Variants in DOCK10 observed in about 807,000 individuals in gnomAD.
DOCK10 encodes dedicator of cytokinesis 10, also known as dedicator of cytokinesis protein 10.
In DOCK10, 145 loss-of-function variants were observed where a neutral mutation model predicts 280.1. The observed-to-expected ratio is 0.52, with a 90% confidence interval of 0.45 to 0.59. The LOEUF is 0.59. DOCK10 is among the 20% of genes least tolerant of loss of function. DOCK10 has a pLI of 0.00. For missense variants in DOCK10, 2,368 were observed against 2,651.7 expected (o/e 0.89, Z 2.35); for synonymous variants, 915 against 942.2 (o/e 0.97, Z 0.53).
chr2:224,782,457 G>T (rs1691418753), intron 50 of DOCK10, among the ~76,000 whole-genome samples: 1 of 152,132 alleles, frequency 6.6e-6, no homozygotes, highest in Non-Finnish European at 1.5e-5. Flanking sequence ...GATTATAGTC[G>T]ATGTTTGCTC....
At chr2:224,977,609 C>G (rs541696535) in intron 1 of DOCK10, among the ~76,000 whole-genome samples, 4 of 152,094 alleles carry the variant, frequency 2.6e-5, no homozygotes, top group Non-Finnish European at 5.9e-5. Flanking sequence ...GTTAATTCTC[C>G]CACCAAAAAG....
intron 41 of DOCK10, 120 bp downstream of exon 41, chr2:224,800,031 G>A (rs528386338): frequency 1.3e-5 from 7 of 557,650 alleles, no homozygotes; most frequent in African/African-American, 1.1e-4. Context: ...CACTTAGGTT[G>A]ATTTATATAA....
At chr2:224,933,950 C>A (rs1429024485) in intron 1 of DOCK10, among the ~76,000 whole-genome samples, 2 of 152,140 alleles carry the variant, frequency 1.3e-5, no homozygotes, top group African/African-American at 4.8e-5. Context: ...CAAAGAAGAT[C>A]TTTTTCTGGT....
chr2:224,911,586 C>A (rs1405091524), intron 3 of DOCK10, among the ~76,000 whole-genome samples: 1 of 152,154 alleles, frequency 6.6e-6, no homozygotes, highest in Admixed American at 6.5e-5. Context: ...TGGCCCCTAT[C>A]TTGAAAGCAT....
chr2:224,794,858 G>T, intron 45 of DOCK10, 21 bp downstream of exon 45: 1 of 1,610,972 alleles, frequency 6.2e-7, no homozygotes, highest in South Asian at 1.1e-5. Context: ...GATGGTAAAT[G>T]ACCAAGCCTT....
At chr2:224,897,098 C>G (rs1700031151) in intron 3 of DOCK10, among the ~76,000 whole-genome samples, 2 of 152,124 alleles carry the variant, frequency 1.3e-5, no homozygotes, top group Non-Finnish European at 2.9e-5. Flanking sequence ...AGCCTTTTGT[C>G]ATGATTTTAG....
At chr2:224,892,219 A>G (rs1216905788) in intron 4 of DOCK10, among the ~76,000 whole-genome samples, 6 of 151,792 alleles carry the variant, frequency 4.0e-5, no homozygotes, top group Non-Finnish European at 4.4e-5. Flanking sequence ...CAACATAGTG[A>G]AACCCTGTCT....
intron 1 of DOCK10, among the ~76,000 whole-genome samples, chr2:224,969,671 A>C (rs1704975004): frequency 6.6e-6 from 1 of 152,190 alleles, no homozygotes; most frequent in African/African-American, 2.4e-5. Flanking sequence ...AGATGCATGT[A>C]ATCTTTAACT....
intron 11 of DOCK10, among the ~76,000 whole-genome samples, chr2:224,870,493 T>C (rs1049005955): frequency 6.6e-6 from 1 of 152,170 alleles, no homozygotes; most frequent in Admixed American, 6.6e-5. Context: ...CTTGCCATAG[T>C]CATCAACATC....
At chr2:224,897,738 G>A (rs907696943) in intron 3 of DOCK10, among the ~76,000 whole-genome samples, 3 of 152,150 alleles carry the variant, frequency 2.0e-5, no homozygotes, top group African/African-American at 7.2e-5. Context: ...TAACTGATAA[G>A]CAAAAATGAT....
intron 1 of DOCK10, among the ~76,000 whole-genome samples, chr2:224,984,539 T>C (rs974114483): frequency 6.6e-6 from 1 of 152,236 alleles, no homozygotes; most frequent in African/African-American, 2.4e-5. Flanking sequence ...CTCCTCTCTC[T>C]GTTAGCCTCT....
intron 1 of DOCK10, among the ~76,000 whole-genome samples, chr2:225,001,631 T>C (rs1243578038): frequency 6.6e-6 from 1 of 152,318 alleles, no homozygotes; most frequent in East Asian, 1.9e-4. Context: ...TTTGCAATAC[T>C]GTGGAAGGGC....
chr2:224,841,050 C>T (rs1295053291), intron 23 of DOCK10, among the ~76,000 whole-genome samples: 1 of 152,004 alleles, frequency 6.6e-6, no homozygotes, highest in Non-Finnish European at 1.5e-5. Context: ...TATGTGGGAT[C>T]TAAAAAAGTT....
chr2:225,036,275 G>A (rs79434455), intron 1 of DOCK10, among the ~76,000 whole-genome samples: 5,210 of 152,196 alleles, frequency 0.034, 128 homozygotes, highest in Middle Eastern at 0.055. Flanking sequence ...ATGGAGGAGA[G>A]AATATAACAC....
chr2:224,886,422 C>T, intron 5 of DOCK10, 37 bp downstream of exon 5: 1 of 1,573,644 alleles, frequency 6.4e-7, no homozygotes, highest in East Asian at 2.2e-5. Context: ...TAATTATCCT[C>T]ATGTTTTAAA....
intron 52 of DOCK10, 77 bp from the exon 53 acceptor site, chr2:224,773,424 G>A: frequency 7.5e-7 from 1 of 1,329,184 alleles, no homozygotes; most frequent in Non-Finnish European, 1.0e-6. Context: ...AGGACCAGAG[G>A]ATCATGTATC....
At chr2:224,783,769 T>C (rs1431805170) in intron 50 of DOCK10, among the ~76,000 whole-genome samples, 2 of 149,512 alleles carry the variant, frequency 1.3e-5, no homozygotes, top group Non-Finnish European at 3.0e-5. Context: ...TTTTAGTAGG[T>C]GAGTTAAGGG....
chr2:225,002,117 T>C (rs917696283), intron 1 of DOCK10, among the ~76,000 whole-genome samples: 2 of 152,110 alleles, frequency 1.3e-5, no homozygotes, highest in African/African-American at 4.8e-5. Context: ...AAATGACACT[T>C]GGGAGGAAAA....
chr2:225,032,924 A>G (rs1690121499), intron 1 of DOCK10, among the ~76,000 whole-genome samples: 1 of 152,222 alleles, frequency 6.6e-6, no homozygotes, highest in East Asian at 1.9e-4. Flanking sequence ...AGTCATTTAA[A>G]TTGGTAATTA....
Sources: allele counts gnomAD v4.1 joint callset (sites outside exome capture counted in the v4.1 genomes callset), GRCh38; gene constraint gnomAD v4.1.1; transcripts MANE v1.5; gene names NCBI Gene and HGNC (gene_info 2026-07-23, HGNC 2026-07-21).